Variants in HECA observed in about 807,000 individuals in gnomAD.
The protein encoded by HECA is HECA ribonucleoprotein granule regulator, also known as headcase protein homolog.
In HECA, 13 loss-of-function variants were observed where a neutral mutation model predicts 37.6. That is an observed-to-expected ratio of 0.35 (90% confidence interval 0.23 to 0.55). The LOEUF is 0.55. HECA is among the 20% of genes least tolerant of loss of function. The pLI, the probability that HECA is intolerant of heterozygous loss-of-function variation, is 0.90. For missense variants in HECA, 527 were observed against 701.9 expected (o/e 0.75, Z 2.82); for synonymous variants, 307 against 291.5 (o/e 1.05, Z -0.54).
intron 1 of HECA, among the ~76,000 whole-genome samples, chr6:139,139,509 G>C (rs1774488748): frequency 6.6e-6 from 1 of 152,226 alleles, no homozygotes; most frequent in Non-Finnish European, 1.5e-5. Flanking sequence ...ACGTGCTGGA[G>C]GTTACTGGAG....
rs1385199977 is a variant in HECA, at chr6:139,166,532, C to T, written c.520C>T (p.Arg174Cys). 6.2e-7 allele frequency: 1 copy of T among 1,614,254 alleles called. No individual in the cohort carries two copies. Among genetic ancestry groups the T allele is most frequent in the Non-Finnish European group, 8.5e-7 (1 of 1,180,046 alleles). ...AAAGAAGGGCTACGACCTGGCCTTC[C>T]GCTTCTGCTCTTGCCGCTGTGGCCA... The part of the protein sequence containing the change: ...WTKKGYDLAF[R>C]FCSCRCGQGH... The change falls in exon 2 of 4, where the codon CGC becomes TGC. Residue 174 changes from arginine (R) to cysteine (C), a missense_variant. Coordinates refer to ENST00000367658, the MANE Select transcript of HECA (RefSeq NM_016217.3).
At chr6:139,139,144 G>T (rs1014882040) in intron 1 of HECA, among the ~76,000 whole-genome samples, 3 of 151,970 alleles carry the variant, frequency 2.0e-5, no homozygotes, top group Admixed American at 1.3e-4. Flanking sequence ...GAACCCGTGG[G>T]CAGCAGAGTC....
At chr6:139,138,168 A>G (rs1385787825) in intron 1 of HECA, among the ~76,000 whole-genome samples, 2 of 151,806 alleles carry the variant, frequency 1.3e-5, no homozygotes, top group Admixed American at 1.3e-4. Flanking sequence ...ATTTAAAGCT[A>G]TAGTTTATAA....
At chr6:139,158,532 T>C (rs1582941350) in intron 1 of HECA, among the ~76,000 whole-genome samples, 1 of 149,192 alleles carries the variant, frequency 6.7e-6, no homozygotes, top group African/African-American at 2.5e-5. Flanking sequence ...CTGGGAGTGG[T>C]GGCGTGCACC....
intron 2 of HECA, among the ~76,000 whole-genome samples, chr6:139,171,030 GATAA>G (rs955076194): frequency 6.6e-6 from 1 of 152,176 alleles, no homozygotes; most frequent in African/African-American, 2.4e-5. Flanking sequence ...GAGATGGGTA[GATAA>G]AGGTGGGGAA....
At chr6:139,160,481 G>A (rs182965515) in intron 1 of HECA, among the ~76,000 whole-genome samples, 2 of 152,244 alleles carry the variant, frequency 1.3e-5, no homozygotes, top group East Asian at 1.9e-4. Context: ...ACTCATTGCC[G>A]AGGCTCACTG....
chr6:139,139,749 C>G (rs533293514), intron 1 of HECA, among the ~76,000 whole-genome samples: 1 of 152,248 alleles, frequency 6.6e-6, no homozygotes, highest in African/African-American at 2.4e-5. Context: ...GGGCTCCCCC[C>G]AGGAAGAGAG....
chr6:139,162,353 A>G (rs1333358226), intron 1 of HECA, among the ~76,000 whole-genome samples: 2 of 152,128 alleles, frequency 1.3e-5, no homozygotes, highest in East Asian at 3.9e-4. Flanking sequence ...TTTCATGTGT[A>G]TAGTTTTTTT....
chr6:139,165,148 A>T (rs1774865293), intron 1 of HECA, among the ~76,000 whole-genome samples: 1 of 152,228 alleles, frequency 6.6e-6, no homozygotes, highest in Non-Finnish European at 1.5e-5. Flanking sequence ...TTTATGGTTG[A>T]GGAAATGGAA....
Position 139,166,317 on chromosome 6 carries a change from T to C in HECA, c.305T>C (p.Phe102Ser), listed in dbSNP as rs1489611763. ...TGTGCCACTCCCCTGATCTGCAGCT[T>C]CGGTAGGCCGGTGGACCTGGAGAAG... ...APCATPLICS[F>S]GRPVDLEKDD... The change falls in exon 2 of 4, where the codon TTC becomes TCC. Residue 102 changes from phenylalanine to serine, a missense_variant. By Grantham distance (155) the Phe-to-Ser change is radical. This residue lies in a region of HECA where 172 missense variants were observed against 197.6 expected (regional missense o/e 0.87). Transcript: ENST00000367658. 6.2e-7 allele frequency: 1 copy of C among 1,611,470 alleles called. No individual in the cohort carries two copies. Among genetic ancestry groups the C allele is most frequent in the Non-Finnish European group, 8.5e-7 (1 of 1,178,168 alleles).
chr6:139,177,427 A>AGCT lies in HECA; in HGVS notation c.*323_*325dup, dbSNP rs1235478558. 1 of 186,192 alleles carries AGCT rather than the reference A, an allele frequency of 5.4e-6. No individual in the cohort carries two copies. The highest frequency in any genetic ancestry group is 1.1e-5 in the Non-Finnish European group (1 of 89,924). The allele number at this position is 186,192 out of a possible 1,614,324, so 11.5% of individuals were successfully genotyped here. On this transcript the variant is annotated 3_prime_UTR_variant, in exon 4 of 4. Transcript: ENST00000367658. The surrounding 1 kb of genome is among the most constrained non-coding windows in gnomAD (Gnocchi z 4.9). ...AAGGAATTTGTGGTTATAAACTAAG[A>AGCT]GCTTGATAGGAGTTGGAAGGAAACT...
Position 139,144,028 on chromosome 6 carries a change from A to G in HECA, c.271+8361A>G, listed in dbSNP as rs1004331708. On this transcript the variant is annotated intron_variant, in intron 1 of 3. Transcript: ENST00000367658. ...ATGAGTATGTGGAGTTGTGTAGCTG[A>G]AAGGAGGTGAGGAGCCCAGGATGTA... Among the ~76,000 whole-genome samples, 3 of 152,262 alleles carry G rather than the reference A, an allele frequency of 2.0e-5. No individual in the cohort carries two copies. In the East Asian group the frequency reaches 5.8e-4, roughly 29 times the overall value.
At chr6:139,142,547 A>G (rs1774528180) in intron 1 of HECA, among the ~76,000 whole-genome samples, 1 of 152,128 alleles carries the variant, frequency 6.6e-6, no homozygotes, top group East Asian at 1.9e-4. Flanking sequence ...TGTCTCAGCA[A>G]CTGGAGGGCC....
intron 1 of HECA, among the ~76,000 whole-genome samples, chr6:139,149,149 T>C (rs183696688): frequency 1.3e-5 from 2 of 152,320 alleles, no homozygotes; most frequent in African/African-American, 4.8e-5. Flanking sequence ...AGCACTCGAT[T>C]GAACCAAGAG....
chr6:139,168,974 C>T (rs1774933341), intron 2 of HECA, among the ~76,000 whole-genome samples: 2 of 151,912 alleles, frequency 1.3e-5, no homozygotes, highest in Non-Finnish European at 2.9e-5. Context: ...CCATCTCCAC[C>T]CCTCCATGAA....
chr6:139,136,287 GAAAA>G (rs1473850149), intron 1 of HECA, among the ~76,000 whole-genome samples: 2 of 133,398 alleles, frequency 1.5e-5, no homozygotes, highest in Non-Finnish European at 3.3e-5. Context: ...AAAAAAAAAA[GAAAA>G]GAAAGAAAAG....
rs1042616058 is a variant in HECA at position 139,167,277 on chromosome 6, C to T, written c.1265C>T (p.Pro422Leu). 6.2e-7 allele frequency: 1 copy of T among 1,611,970 alleles called. No individual in the cohort carries two copies. The highest frequency in any genetic ancestry group is 8.5e-7 in the Non-Finnish European group (1 of 1,178,276). ...GTGGATGGAACTTTGTTCCTAAGCC[C>T]GTCGAGACATGATGAGATCGAATAT... is the stretch of plus-strand genomic sequence containing the variant. The part of the protein sequence containing the change: ...PLVDGTLFLS[P>L]SRHDEIEYDV... Residue 422 changes from proline to leucine, a missense_variant, in exon 2 of 4, where the codon CCG (proline) becomes CTG (leucine). Transcript: ENST00000367658.
intron 1 of HECA, among the ~76,000 whole-genome samples, chr6:139,140,703 G>T (rs1197325641): frequency 6.6e-6 from 1 of 152,212 alleles, no homozygotes. Context: ...CAGGCTTTTA[G>T]CTATGAATAA....
At position 139,158,347 on chromosome 6, in the gene HECA, C is replaced by CA. The variant is rs535191631; in HGVS notation, c.272-7931dup. 2.0e-5 allele frequency among the ~76,000 whole-genome samples: 3 copies of CA among 151,984 alleles called. No homozygotes were observed. In the East Asian group the frequency reaches 5.9e-4, roughly 30 times the overall value. ...GAAACTCCGTCTCTACTAAAAAATA[C>CA]AAAAAATTAGCTGGGTGTGGTGGCG... On this transcript the variant is annotated intron_variant, in intron 1 of 3. Coordinates refer to ENST00000367658, the MANE Select transcript of HECA (RefSeq NM_016217.3).
Sources: allele counts gnomAD v4.1 joint callset (sites outside exome capture counted in the v4.1 genomes callset), GRCh38; gene constraint gnomAD v4.1.1; regional missense constraint gnomAD v4.1.1; non-coding constraint Gnocchi (gnomAD v3.1); transcripts MANE v1.5; gene names NCBI Gene and HGNC (gene_info 2026-07-23, HGNC 2026-07-21).